Variants in NAV1 observed in about 807,000 individuals in gnomAD.
NAV1 encodes pore membrane and/or filament interacting like protein 3.
In NAV1, 18 loss-of-function variants were observed where a neutral mutation model predicts 175.2. That is an observed-to-expected ratio of 0.10 (90% CI 0.07 to 0.15). NAV1 has a LOEUF of 0.15. NAV1 is among the 10% of genes least tolerant of loss of function. The probability of loss-of-function intolerance (pLI) is 1.00; values close to 1 mark genes in which losing one functional copy is unlikely to be tolerated. For missense variants in NAV1, 1,731 were observed against 2,436.6 expected, an observed-to-expected ratio of 0.71 and a Z score of 6.10; for synonymous variants, 897 against 978.7, an observed-to-expected ratio of 0.92 and a Z score of 1.56.
At position 201,813,339 on chromosome 1, in the gene NAV1, C is replaced by T; in HGVS notation, c.5340+81C>T. 1.1e-6 allele frequency: 1 copy of T among 909,266 alleles called. No individual in the cohort carries two copies. The highest frequency in any genetic ancestry group is 1.8e-6 in the Non-Finnish European group (1 of 571,070). The allele number at this position is 909,266 out of a possible 1,614,324, so 56.3% of individuals were successfully genotyped here. ...GTAGGAATGTTTCTTTAATGTTAGG[C>T]ATGGGACTACTAGGATTAGTTAGGT... On this transcript the variant is annotated intron_variant, in intron 28 of 29. Transcript: ENST00000367296. This position sits in a 1 kb window ranked among gnomAD's most constrained non-coding sequence, Gnocchi z 4.2.
At chr1:201,556,995 C>A (rs1412150626) in intron 1 of NAV1, among the ~76,000 whole-genome samples, 2 of 152,124 alleles carry the variant, frequency 1.3e-5, no homozygotes, top group East Asian at 3.9e-4. Flanking sequence ...GTCCCGGGAA[C>A]CCTGACTCCA....
intron 1 of NAV1, among the ~76,000 whole-genome samples, chr1:201,706,125 A>T (rs1332542468): frequency 6.6e-6 from 1 of 152,190 alleles, no homozygotes; most frequent in Non-Finnish European, 1.5e-5. Flanking sequence ...TAAGCACCAG[A>T]CGATCATCAA....
rs150628298 is a variant in NAV1 at position 201,810,023 on chromosome 1, C to T, written c.4479C>T (p.His1493=). 1.6e-4 allele frequency: 254 copies of T among 1,614,066 alleles called. 1 individual carries two copies. The highest frequency in any genetic ancestry group is 1.4e-3 in the South Asian group (123 of 91,068). ...CCATCCATGGCTACAGCATCAGCCACGTGAAACGAGTGTTGGATGCAGAGC... is the reference window on the plus strand; with the variant it reads ...CCATCCATGGCTACAGCATCAGCCATGTGAAACGAGTGTTGGATGCAGAGC... Residue 1493 remains histidine, a synonymous_variant, in exon 23 of 30, where the codon CAC becomes CAT. Coordinates refer to ENST00000367296, the Ensembl canonical transcript of NAV1. This position sits in a 1 kb window ranked among gnomAD's most constrained non-coding sequence, Gnocchi z 6.0.
intron 3 of NAV1, among the ~76,000 whole-genome samples, chr1:201,766,908 C>T (rs773674217): frequency 5.3e-5 from 8 of 151,964 alleles, no homozygotes; most frequent in East Asian, 2.0e-4. Flanking sequence ...CTGCAACCTC[C>T]GTCTCCTGGT....
chr1:201,778,124 T>C (rs1676079023), intron 3 of NAV1, among the ~76,000 whole-genome samples: 1 of 152,192 alleles, frequency 6.6e-6, no homozygotes, highest in South Asian at 2.1e-4. Context: ...TCTAGGCTTA[T>C]ACTTCCTCAC....
chr1:201,779,869 A>G (rs1373980833), intron 3 of NAV1, among the ~76,000 whole-genome samples: 1 of 152,158 alleles, frequency 6.6e-6, no homozygotes, highest in Non-Finnish European at 1.5e-5. Context: ...TAACAGAAGA[A>G]CAGTATGTTC....
At chr1:201,811,806 G>T in intron 25 of NAV1, 49 bp downstream of exon 29, 1 of 1,607,620 alleles carries the variant, frequency 6.2e-7, no homozygotes, top group Non-Finnish European at 8.5e-7. Flanking sequence ...GGAGGAGGGA[G>T]AACCCAGTCC....
chr1:201,715,414 C>T (rs527579692), intron 2 of NAV1, among the ~76,000 whole-genome samples: 1 of 152,228 alleles, frequency 6.6e-6, no homozygotes, highest in Admixed American at 6.5e-5. Flanking sequence ...CCCACTTCGG[C>T]CACCCAAAGT....
At chr1:201,634,276 G>A (rs1357310569) in intron 2 of NAV1, among the ~76,000 whole-genome samples, 1 of 152,232 alleles carries the variant, frequency 6.6e-6, no homozygotes, top group Non-Finnish European at 1.5e-5. Flanking sequence ...CTCAATATGT[G>A]TTTGGTGTTA....
chr1:201,582,806 T>C (rs1161226288), intron 1 of NAV1, among the ~76,000 whole-genome samples: 4 of 152,224 alleles, frequency 2.6e-5, no homozygotes, highest in Non-Finnish European at 5.9e-5. Flanking sequence ...AGTCCCAGCC[T>C]GGTCAACAGC....
intron 1 of NAV1, among the ~76,000 whole-genome samples, chr1:201,551,645 C>A (rs551434986): frequency 1.1e-4 from 17 of 152,148 alleles, no homozygotes; most frequent in Non-Finnish European, 1.6e-4. Context: ...TTTTGACAAG[C>A]GCTTGAGATT....
chr1:201,563,625 T>C (rs951263496), intron 1 of NAV1, among the ~76,000 whole-genome samples: 5 of 152,132 alleles, frequency 3.3e-5, no homozygotes, highest in African/African-American at 1.2e-4. Context: ...ACCCCACTTC[T>C]CTGAGCCTCA....
At chr1:201,656,025 C>G (rs1319994061) in intron 1 of NAV1, among the ~76,000 whole-genome samples, 3 of 152,140 alleles carry the variant, frequency 2.0e-5, no homozygotes, top group South Asian at 2.1e-4. Context: ...AGGTTCACCC[C>G]CTAAGAGCTT....
chr1:201,739,814 G>T, intron 3 of NAV1: 1 of 1,232,718 alleles, frequency 8.1e-7, no homozygotes, highest in Non-Finnish European at 1.0e-6. Context: ...CGGGGAAATG[G>T]GGCTCTGTCA....
intron 1 of NAV1, among the ~76,000 whole-genome samples, chr1:201,699,488 T>C (rs559925357): frequency 1.4e-4 from 22 of 152,200 alleles, no homozygotes; most frequent in Non-Finnish European, 2.8e-4. Flanking sequence ...ATAGGAAGAA[T>C]CAATATCCTG....
At chr1:201,595,151 C>T (rs539726887) in intron 2 of NAV1, among the ~76,000 whole-genome samples, 47 of 152,306 alleles carry the variant, frequency 3.1e-4, no homozygotes, top group African/African-American at 1.1e-3. Context: ...GGACCCCAGT[C>T]CTTAGTACTG....
In NAV1 at chr1:201,740,375, C is replaced by T. The variant is rs1469274739; in HGVS notation, c.1226+21620C>T. 6.6e-6 allele frequency among the ~76,000 whole-genome samples: 1 copy of T among 152,202 alleles called. No individual in the cohort carries two copies. The highest frequency in any genetic ancestry group is 6.5e-5 in the Admixed American group (1 of 15,290). ...AGGGAAGGAAAGGAGCTTAGGCGCCCAGGAGACCTGGACGGAGCTGAGACA... is the reference window on the plus strand; with the variant it reads ...AGGGAAGGAAAGGAGCTTAGGCGCCTAGGAGACCTGGACGGAGCTGAGACA... On this transcript the variant is annotated intron_variant, in intron 3 of 29. Coordinates refer to ENST00000367296, the Ensembl canonical transcript of NAV1. This position sits in a 1 kb window ranked among gnomAD's most constrained non-coding sequence, Gnocchi z 4.7.
At chr1:201,555,588 C>G (rs12044612) in intron 1 of NAV1, among the ~76,000 whole-genome samples, 33,049 of 151,782 alleles carry the variant, frequency 0.22, 4,525 homozygotes, top group East Asian at 0.53. Context: ...CAGCCCTCTT[C>G]TCCTGGTGGC....
intron 1 of NAV1, among the ~76,000 whole-genome samples, chr1:201,561,544 A>C (rs1666200351): frequency 6.6e-6 from 1 of 152,256 alleles, no homozygotes; most frequent in Non-Finnish European, 1.5e-5. Flanking sequence ...AGTAGCTGGC[A>C]TATGCTAGAC....
Sources: allele counts gnomAD v4.1 joint callset (sites outside exome capture counted in the v4.1 genomes callset), GRCh38; gene constraint gnomAD v4.1.1; non-coding constraint Gnocchi (gnomAD v3.1); transcripts MANE v1.5; gene names NCBI Gene and HGNC (gene_info 2026-07-23, HGNC 2026-07-21).